Variants in HCFC2 observed in about 807,000 individuals in gnomAD.
The protein encoded by HCFC2 is host cell factor 2.
A neutral mutation model predicts 89.2 loss-of-function variants in HCFC2; 18 were observed. The ratio of observed to expected loss-of-function variants is 0.20; its 90% CI spans 0.14 to 0.30. HCFC2 has a LOEUF of 0.30. Ranked by LOEUF, HCFC2 falls within the 10% of genes least tolerant of loss-of-function variation. The pLI is 1.00. For synonymous variants in HCFC2, 308 were observed against 335.7 expected (o/e 0.92, Z 0.90); for missense variants, 578 against 956.1 (o/e 0.60, Z 5.21).
chr12:104,074,625 G>T (rs1444410936), intron 3 of HCFC2, among the ~76,000 whole-genome samples: 1 of 152,112 alleles, frequency 6.6e-6, no homozygotes, highest in African/African-American at 2.4e-5. Context: ...TGAAATATGA[G>T]CCACCTTTTT....
chr12:104,066,127 T>C (rs35879815), intron 1 of HCFC2, 40 bp from the exon 2 acceptor site: 1 of 1,594,586 alleles, frequency 6.3e-7, no homozygotes, highest in East Asian at 2.3e-5. Context: ...TGATAACCGT[T>C]GTTTGTTATA....
chr12:104,069,650 T>C (rs1566224337), intron 3 of HCFC2, among the ~76,000 whole-genome samples: 1 of 152,168 alleles, frequency 6.6e-6, no homozygotes, highest in Non-Finnish European at 1.5e-5. Flanking sequence ...TATATTTTTT[T>C]CTTTCTTTTT....
Position 104,095,254 on chromosome 12 carries a change from A to G in HCFC2, c.1463-106A>G. 2.5e-6 allele frequency: 2 copies of G among 813,708 alleles called. No individual in the cohort carries two copies. The highest frequency in any genetic ancestry group is 2.6e-5 in the East Asian group (1 of 38,184). The allele number at this position is 813,708 out of a possible 1,614,324, so 50.4% of individuals were successfully genotyped here. On this transcript the variant is annotated intron_variant, in intron 10 of 14. Coordinates refer to ENST00000229330, the MANE Select transcript of HCFC2 (RefSeq NM_013320.3). This position sits in a 1 kb window ranked among gnomAD's most constrained non-coding sequence, Gnocchi z 4.2. ...CTAATACCATTTGTGGTGCTCATGT[A>G]TGATTTTAAAACTGAAAGTACCAAG... is the stretch of plus-strand genomic sequence containing the variant.
chr12:104,087,838 T>G, intron 8 of HCFC2, 148 bp from the exon 9 acceptor site: 1 of 404,006 alleles, frequency 2.5e-6, no homozygotes, highest in Non-Finnish European at 4.3e-6. Context: ...AGGATTTCAG[T>G]CAACTTAAGC....
At chr12:104,071,456 T>C (rs1883323963) in intron 3 of HCFC2, among the ~76,000 whole-genome samples, 1 of 152,272 alleles carries the variant, frequency 6.6e-6, no homozygotes, top group Non-Finnish European at 1.5e-5. Flanking sequence ...TCTGGTCACA[T>C]TCCATTGGTC....
chr12:104,090,353 C>CT (rs924149912), intron 9 of HCFC2, among the ~76,000 whole-genome samples: 1 of 151,998 alleles, frequency 6.6e-6, no homozygotes, highest in African/African-American at 2.4e-5. Context: ...AATTTTTTAT[C>CT]TTTTTATCCC....
intron 12 of HCFC2, chr12:104,097,491 T>C (rs1385867005): frequency 6.3e-6 from 1 of 158,322 alleles, no homozygotes; most frequent in Non-Finnish European, 1.3e-5. Context: ...AGTTTAAAGC[T>C]ATTACTTTTT....
intron 3 of HCFC2, among the ~76,000 whole-genome samples, chr12:104,077,020 A>G (rs180966931): frequency 1.8e-4 from 28 of 152,126 alleles, no homozygotes; most frequent in Admixed American, 6.5e-5. Flanking sequence ...GTCTGTGTGT[A>G]TATATATATG....
At chr12:104,102,760 T>G (rs571787101) in intron 14 of HCFC2, among the ~76,000 whole-genome samples, 199 bp from the exon 15 acceptor site, 2 of 152,298 alleles carry the variant, frequency 1.3e-5, no homozygotes, top group Admixed American at 1.3e-4. Flanking sequence ...TAGTTGTGTT[T>G]TTGAAAAGCA....
At chr12:104,085,736 T>TTG (rs35432847) in intron 7 of HCFC2, among the ~76,000 whole-genome samples, 139,508 of 150,542 alleles carry the variant, frequency 0.93, 64,720 homozygotes, top group East Asian at 1. Context: ...TAGTTAAACT[T>TTG]TGCATTTGAT....
At position 104,096,226 on chromosome 12, in the gene HCFC2, AT is replaced by A. The variant is rs1884172492; in HGVS notation, c.1667-133del. On this transcript the variant is annotated intron_variant, in intron 11 of 14. Coordinates refer to ENST00000229330, the MANE Select transcript of HCFC2 (RefSeq NM_013320.3). ...GCTGTTTTTTATTGTGATAAAATACATGTAACATAAAATTTGCTGTCTTAGC... is the reference window on the plus strand; with the variant it reads ...GCTGTTTTTTATTGTGATAAAATACAGTAACATAAAATTTGCTGTCTTAGC... The A allele has an allele frequency of 5.9e-6, 3 of 509,690 alleles. No homozygotes were observed. The East Asian group carries it at 9.2e-5, about 16-fold the overall frequency. The allele number at this position is 509,690 out of a possible 1,614,324, so 31.6% of individuals were successfully genotyped here.
chr12:104,087,470 T>TATATATATATGTATATATATAC (rs1465669746), intron 8 of HCFC2, among the ~76,000 whole-genome samples: 2 of 7,336 alleles, frequency 2.7e-4, no homozygotes, highest in Admixed American at 1.8e-3. Flanking sequence ...TATATACATA[T>TATATATATATGTATATATATAC]ATATATATAT....
Position 104,082,589 on chromosome 12 carries a change from T to C in HCFC2, c.857T>C (p.Phe286Ser), listed in dbSNP as rs1180322338. The C allele has an allele frequency of 3.1e-6, 5 of 1,612,116 alleles. No homozygotes were observed. Among genetic ancestry groups the C allele is most frequent in the African/African-American group, 1.3e-5 (1 of 74,926 alleles). Reference sequence around the variant, plus strand: ...TGTGAATGGAGATGTACCAGTTCATTTTCTTACCTAAATCTGGGTGAGTCT... The same window carrying C: ...TGTGAATGGAGATGTACCAGTTCATCTTCTTACCTAAATCTGGGTGAGTCT... Reference protein sequence around the residue: ...HDCEWRCTSSFSYLNLDTTEW... With the variant: ...HDCEWRCTSSSSYLNLDTTEW... The change falls in exon 6 of 15, where the codon TTT (phenylalanine) becomes TCT (serine). Residue 286 changes from phenylalanine (F) to serine (S), a missense_variant. Transcript: ENST00000229330.
rs573337933 is a variant in HCFC2 at position 104,064,863 on chromosome 12, C to CCGGG, written c.163+142_163+145dup. 357 of 678,718 alleles carry CCGGG rather than the reference C, an allele frequency of 5.3e-4. 1 individual carries two copies. The African/African-American group carries it at 6.5e-3, about 12-fold the overall frequency. The allele number at this position is 678,718 out of a possible 1,614,324, so 42.0% of individuals were successfully genotyped here. ...GCGGGCGGCGGGGAGCGCGGCTCAG[C>CCGGG]CGGGCAGCCCGGGTCCGGCAGCTCT... is the stretch of plus-strand genomic sequence containing the variant. On this transcript the variant is annotated intron_variant, in intron 1 of 14. Coordinates refer to ENST00000229330, the MANE Select transcript of HCFC2 (RefSeq NM_013320.3). The surrounding 1 kb of genome is among the most constrained non-coding windows in gnomAD (Gnocchi z 7.3).
intron 3 of HCFC2, among the ~76,000 whole-genome samples, chr12:104,073,030 G>A (rs1358801235): frequency 1.3e-5 from 2 of 151,956 alleles, no homozygotes; most frequent in African/African-American, 4.8e-5. Flanking sequence ...CTTGTATCCT[G>A]TGACCTTGTT....
chr12:104,081,759 G>A (rs967526524), intron 5 of HCFC2, among the ~76,000 whole-genome samples: 1 of 151,940 alleles, frequency 6.6e-6, no homozygotes, highest in Non-Finnish European at 1.5e-5. Flanking sequence ...TAGAGCTGTA[G>A]CCAGGCGTGG....
intron 3 of HCFC2, among the ~76,000 whole-genome samples, chr12:104,069,038 G>A (rs113481025): frequency 0.029 from 4,369 of 152,168 alleles, 86 homozygotes; most frequent in Middle Eastern, 0.082. Context: ...AGGCGTTGTG[G>A]CTCATGCCTA....
intron 13 of HCFC2, among the ~76,000 whole-genome samples, chr12:104,101,199 A>G (rs937928405): frequency 1.3e-5 from 2 of 152,204 alleles, no homozygotes; most frequent in African/African-American, 4.8e-5. Flanking sequence ...AAAATGCTCT[A>G]TAGGCTGAGC....
At position 104,103,054 on chromosome 12, in the gene HCFC2, G is replaced by A; in HGVS notation, c.2160G>A (p.Gln720=). ...YSAYLAIRTA[Q]IQDNPSQLVF... ...CCTACTTGGCTATCCGCACAGCACA[G>A]ATACAAGATAATCCAAGTCAACTTG... The change falls in exon 15 of 15, where the codon CAG becomes CAA. Residue 720 remains glutamine (Q), a synonymous_variant. Transcript: ENST00000229330. 6.2e-7 allele frequency: 1 copy of A among 1,613,864 alleles called. No homozygotes were observed. Among genetic ancestry groups the A allele is most frequent in the Non-Finnish European group, 8.5e-7 (1 of 1,179,928 alleles).
Sources: allele counts gnomAD v4.1 joint callset (sites outside exome capture counted in the v4.1 genomes callset), GRCh38; gene constraint gnomAD v4.1.1; non-coding constraint Gnocchi (gnomAD v3.1); transcripts MANE v1.5; gene names NCBI Gene and HGNC (gene_info 2026-07-23, HGNC 2026-07-21).